Variants in PCTP observed in about 807,000 individuals in gnomAD.
PCTP encodes the protein START domain-containing protein 2.
PCTP carries 27 observed loss-of-function variants against 31.0 expected under a neutral mutation model. That is an observed-to-expected ratio of 0.87 (90% CI 0.64 to 1.20). PCTP has a LOEUF of 1.20. PCTP is among the 50% of genes most tolerant of loss of function. The pLI, the probability that PCTP is intolerant of heterozygous loss-of-function variation, is 0.00. For synonymous variants in PCTP, 108 were observed against 101.2 expected (o/e 1.07, Z -0.40); for missense variants, 287 against 268.2 (o/e 1.07, Z -0.49).
At chr17:55,814,090 T>A (rs1362318865) in intron 3 of PCTP, among the ~76,000 whole-genome samples, 3 of 151,892 alleles carry the variant, frequency 2.0e-5, no homozygotes, top group Non-Finnish European at 4.4e-5. Flanking sequence ...CAAAAGAGAA[T>A]TCAATGCGTC....
intron 3 of PCTP, chr17:55,787,758 C>T (rs779565228): frequency 1.3e-5 from 2 of 152,176 alleles, no homozygotes; most frequent in African/African-American, 2.4e-5. Context: ...TCAGTCAGCA[C>T]GTCAGATATT....
chr17:55,824,598 A>G (rs1905335078), downstream of PCTP, among the ~76,000 whole-genome samples: 1 of 152,238 alleles, frequency 6.6e-6, no homozygotes, highest in African/African-American at 2.4e-5. Context: ...AGCTTTTGTT[A>G]TCAACATTTA....
chr17:55,811,161 T>C (rs1912738573), intron 3 of PCTP, among the ~76,000 whole-genome samples: 1 of 152,244 alleles, frequency 6.6e-6, no homozygotes, highest in South Asian at 2.1e-4. Context: ...AGTTGTCATA[T>C]ATTTCAAACA....
At chr17:55,788,776 C>T (rs1045415181) in intron 3 of PCTP, among the ~76,000 whole-genome samples, 5 of 152,062 alleles carry the variant, frequency 3.3e-5, no homozygotes, top group Non-Finnish European at 5.9e-5. Flanking sequence ...CTAAAATGTT[C>T]GGGGGAAATT....
intron 1 of PCTP, among the ~76,000 whole-genome samples, chr17:55,764,977 GA>G (rs1246727099): frequency 6.6e-6 from 1 of 152,202 alleles, no homozygotes; most frequent in Non-Finnish European, 1.5e-5. Context: ...TACAGAGAGT[GA>G]AATGTGTGAT....
chr17:55,791,347 C>T (rs1317634744), intron 3 of PCTP, among the ~76,000 whole-genome samples: 14 of 148,690 alleles, frequency 9.4e-5, no homozygotes, highest in Admixed American at 6.7e-5. Flanking sequence ...GCAAAAGAAA[C>T]TACCATCAGA....
rs116707306 is a variant in PCTP, at chr17:55,775,372, G to A, written c.579+513G>A. 1,313 of 1,232,100 alleles carry A rather than the reference G, an allele frequency of 1.1e-3. 14 individuals carry two copies. The African/African-American group carries it at 0.019, about 17-fold the overall frequency. The allele number at this position is 1,232,100 out of a possible 1,614,324, so 76.3% of individuals were successfully genotyped here. A position where few individuals can be genotyped will look rare whatever the true frequency, so the allele number is the denominator to read the frequency against. On this transcript the variant is annotated intron_variant, in intron 5 of 5. Transcript: ENST00000268896. ...CTGCCCAGGAGCCTGGCATTATGGG[G>A]ACCATCAGCCTGCTTTGCACAAGAT...
chr17:55,817,192 A>T (rs893946353), intron 3 of PCTP, among the ~76,000 whole-genome samples: 2 of 152,222 alleles, frequency 1.3e-5, no homozygotes, highest in Non-Finnish European at 2.9e-5. Flanking sequence ...TTTCAGCTCA[A>T]GTTGTGCCAG....
chr17:55,827,818 T>A (rs1485013387), downstream of PCTP, among the ~76,000 whole-genome samples: 1 of 150,354 alleles, frequency 6.7e-6, no homozygotes, highest in African/African-American at 2.5e-5. Flanking sequence ...AGAAAACCAC[T>A]TGTAGAAATC....
chr17:55,832,245 G>A (rs1567733921), intron 5 of PCTP, among the ~76,000 whole-genome samples: 1 of 152,228 alleles, frequency 6.6e-6, no homozygotes, highest in Admixed American at 6.5e-5. Flanking sequence ...TTGAGGGCAA[G>A]CTCTGTGTCT....
intron 3 of PCTP, among the ~76,000 whole-genome samples, chr17:55,805,971 A>G (rs915131966): frequency 1.3e-5 from 2 of 151,608 alleles, no homozygotes; most frequent in East Asian, 1.9e-4. Flanking sequence ...GATACATCCT[A>G]AAGAATGAAA....
chr17:55,765,388 G>C (rs1375920305), intron 1 of PCTP, among the ~76,000 whole-genome samples: 1 of 151,970 alleles, frequency 6.6e-6, no homozygotes, highest in Non-Finnish European at 1.5e-5. Flanking sequence ...TTTTTTTTCT[G>C]TCTTAGAAGA....
chr17:55,831,512 A>T (rs1183520967), intron 5 of PCTP, among the ~76,000 whole-genome samples: 1 of 152,162 alleles, frequency 6.6e-6, no homozygotes, highest in Non-Finnish European at 1.5e-5. Context: ...GAGGAGACAG[A>T]CCTGGGTTAG....
chr17:55,843,034 C>T (rs1906034221), downstream of PCTP, among the ~76,000 whole-genome samples: 2 of 152,054 alleles, frequency 1.3e-5, no homozygotes, highest in African/African-American at 4.8e-5. Context: ...GCTATCATGG[C>T]CCTGTAAACA....
chr17:55,827,497 C>T (rs566375637), downstream of PCTP, among the ~76,000 whole-genome samples: 23 of 152,334 alleles, frequency 1.5e-4, no homozygotes, highest in Admixed American at 6.5e-4. Flanking sequence ...TTATTATTTA[C>T]GCTACTGGAT....
At chr17:55,818,916 C>T (rs767629397) in intron 3 of PCTP, among the ~76,000 whole-genome samples, 1 of 147,646 alleles carries the variant, frequency 6.8e-6, no homozygotes, top group Non-Finnish European at 1.5e-5. Context: ...CAGATGCTGG[C>T]TCACAGGGCA....
At chr17:55,757,219 T>C (rs1910079025) in intron 1 of PCTP, among the ~76,000 whole-genome samples, 1 of 149,668 alleles carries the variant, frequency 6.7e-6, no homozygotes, top group Non-Finnish European at 1.5e-5. Flanking sequence ...TATATATGTA[T>C]ATATATACAC....
At chr17:55,788,822 C>A (rs189549986) in intron 3 of PCTP, among the ~76,000 whole-genome samples, 118 of 152,192 alleles carry the variant, frequency 7.8e-4, no homozygotes, top group Non-Finnish European at 1.2e-3. Context: ...CTTTTATAGT[C>A]CTCAGCTATG....
At chr17:55,777,473 G>A (rs1346453667), downstream of PCTP, 2 of 868,158 alleles carry the variant, frequency 2.3e-6, no homozygotes, top group African/African-American at 3.7e-5. Context: ...CTAATTTGTA[G>A]ACTTAAACAT....
Sources: allele counts gnomAD v4.1 joint callset (sites outside exome capture counted in the v4.1 genomes callset), GRCh38; gene constraint gnomAD v4.1.1; transcripts MANE v1.5; gene names NCBI Gene and HGNC (gene_info 2026-07-23, HGNC 2026-07-21).